The following ACVR2A variants were observed in gnomAD, a reference collection of about 807,000 sequenced individuals.
The protein encoded by ACVR2A is activin A receptor type 2A.
ACVR2A carries 7 observed loss-of-function variants against 61.4 expected under a neutral mutation model. That is an observed-to-expected ratio of 0.11 (90% CI 0.06 to 0.21). The LOEUF is 0.21. Ranked by LOEUF, ACVR2A falls within the 10% of genes least tolerant of loss-of-function variation. ACVR2A has a pLI of 1.00. For synonymous variants in ACVR2A, 193 were observed against 208.3 expected (o/e 0.93, Z 0.63); for missense variants, 322 against 621.7 (o/e 0.52, Z 5.13).
chr2:147,904,842 T>A (rs1317992429), intron 4 of ACVR2A, among the ~76,000 whole-genome samples: 1 of 152,036 alleles, frequency 6.6e-6, no homozygotes, highest in Non-Finnish European at 1.5e-5. Flanking sequence ...GCTTCCTTAC[T>A]GGGGGAGGGT....
chr2:147,919,365 T>C (rs1381123951), intron 7 of ACVR2A, among the ~76,000 whole-genome samples: 1 of 152,158 alleles, frequency 6.6e-6, no homozygotes, highest in East Asian at 1.9e-4. Context: ...ATGCAGTCTA[T>C]TGGCCTCGTC....
intron 1 of ACVR2A, 102 bp downstream of exon 1, chr2:147,845,309 G>A (rs1685279090): frequency 2.7e-6 from 3 of 1,093,156 alleles, no homozygotes; most frequent in East Asian, 2.7e-5. Flanking sequence ...AGTGGAGCCT[G>A]GGGAGGTTGC....
At chr2:147,869,339 AGACT>A (rs1422848213) in intron 1 of ACVR2A, among the ~76,000 whole-genome samples, 1 of 150,128 alleles carries the variant, frequency 6.7e-6, no homozygotes, top group African/African-American at 2.4e-5. Flanking sequence ...TTCATAAGGG[AGACT>A]GACTATTCTT....
At chr2:147,902,307 A>G (rs1686888337) in intron 4 of ACVR2A, among the ~76,000 whole-genome samples, 2 of 152,102 alleles carry the variant, frequency 1.3e-5, no homozygotes, top group South Asian at 4.1e-4. Context: ...CATTTTATAG[A>G]TAGAAAAATC....
chr2:147,855,861 A>G (rs1398189867), intron 1 of ACVR2A, among the ~76,000 whole-genome samples: 2 of 152,184 alleles, frequency 1.3e-5, no homozygotes, highest in Non-Finnish European at 2.9e-5. Flanking sequence ...TTATTTAAGC[A>G]TTCCTATTTC....
Position 147,858,696 on chromosome 2 carries a change from G to A in ACVR2A, c.55+13489G>A, listed in dbSNP as rs1209052595. ...TTTCGAGCACTTAGAATGGGGGTCCGCAGACATTTTTGTAAAGGGCCAGAT... is the reference window on the plus strand; with the variant it reads ...TTTCGAGCACTTAGAATGGGGGTCCACAGACATTTTTGTAAAGGGCCAGAT... On this transcript the variant is annotated intron_variant, in intron 1 of 10. Coordinates refer to ENST00000241416, the MANE Select transcript of ACVR2A (RefSeq NM_001616.5). 3.9e-5 allele frequency among the ~76,000 whole-genome samples: 6 copies of A among 152,248 alleles called. No individual in the cohort carries two copies. The East Asian group carries it at 5.8e-4, about 15-fold the overall frequency.
intron 1 of ACVR2A, among the ~76,000 whole-genome samples, chr2:147,847,927 C>T (rs2105127502): frequency 6.6e-6 from 1 of 152,268 alleles, no homozygotes; most frequent in African/African-American, 2.4e-5. Context: ...TAGAGTTATG[C>T]AGCTATTGTG....
At chr2:147,922,858 G>C (rs2303392) in intron 8 of ACVR2A, 115 bp from the exon 9 acceptor site, 329,281 of 1,004,560 alleles carry the variant, frequency 0.33, 56,067 homozygotes, top group East Asian at 0.51. Context: ...ACGCTATAGT[G>C]TGTATACCTT....
intron 2 of ACVR2A, among the ~76,000 whole-genome samples, chr2:147,897,885 A>G (rs954114209): frequency 3.3e-5 from 5 of 152,166 alleles, no homozygotes; most frequent in African/African-American, 1.2e-4. Context: ...TGGTCAAGTG[A>G]TATGTGCTGT....
At chr2:147,897,965 T>C (rs575198150) in intron 2 of ACVR2A, among the ~76,000 whole-genome samples, 1 of 152,300 alleles carries the variant, frequency 6.6e-6, no homozygotes, top group South Asian at 2.1e-4. Context: ...AAACTATCTT[T>C]TATCATTTAG....
intron 10 of ACVR2A, 151 bp downstream of exon 10, chr2:147,926,312 G>A (rs2105225427): frequency 9.9e-7 from 1 of 1,010,034 alleles, no homozygotes; most frequent in East Asian, 2.6e-5. Flanking sequence ...GGCAGAATTA[G>A]GGCTATGTCT....
At chr2:147,919,101 C>T (rs574297549) in intron 7 of ACVR2A, among the ~76,000 whole-genome samples, 122 of 152,224 alleles carry the variant, frequency 8.0e-4, no homozygotes, top group African/African-American at 2.7e-3. Context: ...GTGTCTTAAA[C>T]ATGGAATTCA....
intron 1 of ACVR2A, among the ~76,000 whole-genome samples, chr2:147,858,643 C>T (rs1478222676): frequency 1.3e-5 from 2 of 152,158 alleles, no homozygotes; most frequent in African/African-American, 2.4e-5. Flanking sequence ...AGATGCTTAA[C>T]AAATATTTAT....
At chr2:147,906,733 T>G (rs1686995103) in intron 4 of ACVR2A, among the ~76,000 whole-genome samples, 2 of 152,248 alleles carry the variant, frequency 1.3e-5, no homozygotes, top group South Asian at 4.1e-4. Context: ...TTGAGTATTA[T>G]ATCAGGCACT....
intron 1 of ACVR2A, among the ~76,000 whole-genome samples, chr2:147,871,345 G>A (rs1417220445): frequency 6.6e-6 from 1 of 151,892 alleles, no homozygotes; most frequent in African/African-American, 2.4e-5. Flanking sequence ...ACGCTTTATT[G>A]TGCATTTAGC....
At chr2:147,905,171 C>T (rs1312724247) in intron 4 of ACVR2A, among the ~76,000 whole-genome samples, 1 of 151,982 alleles carries the variant, frequency 6.6e-6, no homozygotes, top group Non-Finnish European at 1.5e-5. Context: ...TGGTGTGTAT[C>T]CCTTGGCACC....
intron 1 of ACVR2A, among the ~76,000 whole-genome samples, chr2:147,864,828 G>A (rs760138956): frequency 4.6e-5 from 7 of 152,054 alleles, no homozygotes; most frequent in Admixed American, 3.9e-4. Context: ...TACTATGTTC[G>A]TCTCATTGTG....
Position 147,899,645 on chromosome 2 carries a change from T to A in ACVR2A, c.373+78T>A, listed in dbSNP as rs528588118. The A allele has an allele frequency of 6.6e-5, 104 of 1,580,290 alleles. 1 individual carries two copies. In the South Asian group the frequency reaches 1.1e-3, roughly 17 times the overall value. On this transcript the variant is annotated intron_variant, in intron 3 of 10. Transcript: ENST00000241416. ...AATATATTTGTGTTGATGGAATAAT[T>A]TGCCCCTACCTCTTCCCCAAAATTT...
At chr2:147,863,402 A>G (rs1008410144) in intron 1 of ACVR2A, among the ~76,000 whole-genome samples, 3 of 152,192 alleles carry the variant, frequency 2.0e-5, no homozygotes, top group East Asian at 1.9e-4. Flanking sequence ...GATTAGGGGT[A>G]TTGACACCCT....
Sources: gnomAD v4.1 joint callset for allele counts (sites outside exome capture counted in the v4.1 genomes callset) on GRCh38, gnomAD v4.1.1 for gene constraint, MANE v1.5 for transcripts, NCBI Gene and HGNC (gene_info 2026-07-23, HGNC 2026-07-21) for gene names.